DLC1: variants seen among roughly 807,000 people sequenced by gnomAD.
DLC1 encodes rho GTPase-activating protein 7.
In DLC1, 54 loss-of-function variants were observed where a neutral mutation model predicts 140.3. That is an observed-to-expected ratio of 0.38 (90% CI 0.31 to 0.48). DLC1 has a LOEUF of 0.48. Ranked by LOEUF, DLC1 falls within the 20% of genes least tolerant of loss-of-function variation. DLC1 has a pLI of 0.96. For synonymous variants in DLC1, 986 were observed against 728.1 expected (o/e 1.35, Z -5.70); for missense variants, 2,536 against 1,907.0 (o/e 1.33, Z -6.14).
intron 2 of DLC1, among the ~76,000 whole-genome samples, chr8:13,456,227 T>A (rs1799384045): frequency 6.6e-6 from 1 of 152,226 alleles, no homozygotes; most frequent in Non-Finnish European, 1.5e-5. Flanking sequence ...TACTGAATGT[T>A]GCATTGCTGT....
At chr8:13,409,595 T>C (rs920334886) in intron 2 of DLC1, among the ~76,000 whole-genome samples, 1 of 152,210 alleles carries the variant, frequency 6.6e-6, no homozygotes, top group African/African-American at 2.4e-5. Flanking sequence ...TTATGTCTTA[T>C]CTGGCAACTG....
intron 5 of DLC1, among the ~76,000 whole-genome samples, chr8:13,143,800 C>CCAAATGAAAA: frequency 8.2e-6 from 1 of 121,970 alleles, no homozygotes; most frequent in Non-Finnish European, 1.7e-5. Context: ...TGTTGAAAGA[C>CCAAATGAAAA]CAAATGAAAA....
chr8:13,184,384 T>A (rs895135059), intron 5 of DLC1, among the ~76,000 whole-genome samples: 2 of 152,216 alleles, frequency 1.3e-5, no homozygotes, highest in Non-Finnish European at 2.9e-5. Context: ...CTTTTAATTG[T>A]GATGTTACGG....
intron 2 of DLC1, among the ~76,000 whole-genome samples, chr8:13,444,648 C>T (rs1798696257): frequency 6.6e-6 from 1 of 152,164 alleles, no homozygotes; most frequent in Admixed American, 6.6e-5. Context: ...TACAGTACTA[C>T]TCTTTTCCCA....
At chr8:13,143,831 AGAGAGAGAGAGAG>A (rs1479809623) in intron 5 of DLC1, among the ~76,000 whole-genome samples, 1 of 151,312 alleles carries the variant, frequency 6.6e-6, no homozygotes, top group African/African-American at 2.4e-5. Flanking sequence ...AGAGAGAGAG[AGAGAGAGAGAGAG>A]AGAGAGAGAC....
chr8:13,318,339 A>G (rs1832940990), intron 4 of DLC1, among the ~76,000 whole-genome samples: 1 of 152,114 alleles, frequency 6.6e-6, no homozygotes, highest in Non-Finnish European at 1.5e-5. Context: ...TGGCCAACTA[A>G]TATAATCTTA....
intron 5 of DLC1, among the ~76,000 whole-genome samples, chr8:13,231,965 T>G (rs1829066983): frequency 6.6e-6 from 1 of 152,176 alleles, no homozygotes; most frequent in Non-Finnish European, 1.5e-5. Context: ...AAATCCCTGT[T>G]TACCTGCCAC....
At chr8:13,252,414 G>T (rs909401971) in intron 5 of DLC1, among the ~76,000 whole-genome samples, 1 of 152,138 alleles carries the variant, frequency 6.6e-6, no homozygotes, top group East Asian at 1.9e-4. Flanking sequence ...AAGAACTCTT[G>T]TTCATTGTTA....
intron 5 of DLC1, among the ~76,000 whole-genome samples, chr8:13,224,503 G>C (rs1026158166): frequency 9.2e-5 from 14 of 152,274 alleles, no homozygotes; most frequent in Admixed American, 3.9e-4. Flanking sequence ...ATGGACAAAG[G>C]CAGGCTTAGA....
chr8:13,459,305 G>T (rs1019760405), intron 2 of DLC1, among the ~76,000 whole-genome samples: 3 of 152,158 alleles, frequency 2.0e-5, no homozygotes, highest in African/African-American at 7.2e-5. Context: ...ACAGGAAGTG[G>T]AGGGTGTTGA....
chr8:13,429,109 A>G (rs1238725032), intron 2 of DLC1, among the ~76,000 whole-genome samples: 1 of 152,210 alleles, frequency 6.6e-6, no homozygotes, highest in African/African-American at 2.4e-5. Context: ...CAATTATAAG[A>G]TAAAATCTAC....
chr8:13,566,755 G>T, intron 1 of DLC1: 2 of 528,660 alleles, frequency 3.8e-6, no homozygotes, highest in Non-Finnish European at 6.4e-6. Context: ...CGCAAGCAGC[G>T]CAAGCGCAGT....
intron 2 of DLC1, among the ~76,000 whole-genome samples, chr8:13,407,241 G>T (rs1837609449): frequency 6.6e-6 from 1 of 152,204 alleles, no homozygotes; most frequent in South Asian, 2.1e-4. Flanking sequence ...TTTGATTGCA[G>T]TGGTATCTGG....
intron 4 of DLC1, among the ~76,000 whole-genome samples, chr8:13,374,096 A>G (rs748576270): frequency 1.3e-5 from 2 of 152,194 alleles, no homozygotes. Context: ...TGGAAATGCT[A>G]TAAGTGAATG....
chr8:13,331,556 C>G (rs556740288), intron 4 of DLC1, among the ~76,000 whole-genome samples: 117 of 152,120 alleles, frequency 7.7e-4, no homozygotes, highest in African/African-American at 2.8e-3. Flanking sequence ...GTAATTTTGT[C>G]ACATAGCTGA....
At chr8:13,271,858 G>A (rs1830944492) in intron 5 of DLC1, among the ~76,000 whole-genome samples, 1 of 152,058 alleles carries the variant, frequency 6.6e-6, no homozygotes, top group African/African-American at 2.4e-5. Context: ...TAAATTTTTT[G>A]GAGAGACAAG....
chr8:13,111,086 T>C (rs1204217792), intron 6 of DLC1, among the ~76,000 whole-genome samples: 3 of 152,202 alleles, frequency 2.0e-5, no homozygotes, highest in Non-Finnish European at 4.4e-5. Context: ...AGAACATTGT[T>C]ATATGTTTAA....
intron 5 of DLC1, among the ~76,000 whole-genome samples, chr8:13,148,331 G>A (rs1823579361): frequency 6.6e-6 from 1 of 152,082 alleles, no homozygotes; most frequent in South Asian, 2.1e-4. Context: ...TCCCTTCTTT[G>A]TGTCCATAAG....
intron 2 of DLC1, among the ~76,000 whole-genome samples, chr8:13,486,852 G>C (rs919498900): frequency 2.6e-5 from 4 of 152,180 alleles, no homozygotes; most frequent in Admixed American, 1.3e-4. Flanking sequence ...TTGATGAATG[G>C]ATTGGAAGTT....
Sources: gnomAD v4.1 joint callset for allele counts (sites outside exome capture counted in the v4.1 genomes callset) on GRCh38, gnomAD v4.1.1 for gene constraint, MANE v1.5 for transcripts, NCBI Gene and HGNC (gene_info 2026-07-23, HGNC 2026-07-21) for gene names.